FTO: variants seen among roughly 807,000 people sequenced by gnomAD.
The protein encoded by FTO is alpha-ketoglutarate-dependent dioxygenase FTO.
Under a neutral mutation model 63.9 loss-of-function variants are expected in FTO, and 47 were observed. That is an observed-to-expected ratio of 0.74 (90% confidence interval 0.58 to 0.94). The LOEUF is 0.94. Ranked by LOEUF, FTO falls within the 40% of genes least tolerant of loss-of-function variation. FTO has a pLI of 0.00. For synonymous variants in FTO, 207 were observed against 224.4 expected (o/e 0.92, Z 0.69); for missense variants, 562 against 618.1 (o/e 0.91, Z 0.96).
At chr16:53,907,867 T>C (rs1024714487) in intron 7 of FTO, among the ~76,000 whole-genome samples, 1 of 152,224 alleles carries the variant, frequency 6.6e-6, no homozygotes, top group African/African-American at 2.4e-5. Flanking sequence ...TTGATCTGTC[T>C]GACTAGATCA....
At chr16:53,897,191 ATT>A (rs1051072176) in intron 7 of FTO, among the ~76,000 whole-genome samples, 1 of 150,850 alleles carries the variant, frequency 6.6e-6, no homozygotes, top group Non-Finnish European at 1.5e-5. Context: ...TGTGATTGAC[ATT>A]TTTTTTTGCA....
intron 5 of FTO, among the ~76,000 whole-genome samples, chr16:53,876,656 G>A (rs1456510477): frequency 6.6e-6 from 1 of 152,252 alleles, no homozygotes; most frequent in Non-Finnish European, 1.5e-5. Flanking sequence ...GCTGGGTGCA[G>A]TGGCTCATGC....
chr16:54,015,231 C>T (rs889519258), intron 8 of FTO, among the ~76,000 whole-genome samples: 7 of 152,092 alleles, frequency 4.6e-5, no homozygotes, highest in African/African-American at 9.7e-5. Flanking sequence ...TGGACATTGT[C>T]AGCTATTTAT....
chr16:53,796,049 CTTT>C (rs745383491), intron 1 of FTO, among the ~76,000 whole-genome samples: 3 of 138,412 alleles, frequency 2.2e-5, no homozygotes, highest in Non-Finnish European at 3.1e-5. Context: ...TTCTTTCTTT[CTTT>C]TTTTTTTTTT....
chr16:53,929,736 C>T (rs1484582367), intron 7 of FTO, among the ~76,000 whole-genome samples: 1 of 152,176 alleles, frequency 6.6e-6, no homozygotes, highest in Non-Finnish European at 1.5e-5. Flanking sequence ...TTCGCAGTGC[C>T]TTGGGGCTTT....
Position 54,119,069 on chromosome 16 carries a change from T to A in FTO, c.*7154T>A, listed in dbSNP as rs187036484. 2 of 152,304 alleles carry A rather than the reference T, an allele frequency of 1.3e-5. No homozygotes were observed. The highest frequency in any genetic ancestry group is 1.3e-4 in the Admixed American group (2 of 15,294). The allele number at this position is 152,304 out of a possible 1,614,324, so 9.4% of individuals were successfully genotyped here. ...CAGGGCTTGGAGAAATAGAAACCTC[T>A]CTTGCACAAGAATAGTCTCAATGAA... On this transcript the variant is annotated 3_prime_UTR_variant, in exon 9 of 9. Coordinates refer to ENST00000471389, the MANE Select transcript of FTO (RefSeq NM_001080432.3).
intron 1 of FTO, among the ~76,000 whole-genome samples, chr16:53,785,475 G>C (rs998211616): frequency 6.6e-6 from 1 of 152,134 alleles, no homozygotes. Flanking sequence ...GGATGGCAGG[G>C]ATTGGGCCAT....
intron 1 of FTO, among the ~76,000 whole-genome samples, chr16:53,794,142 A>G (rs540971137): frequency 6.6e-6 from 1 of 152,252 alleles, no homozygotes; most frequent in Admixed American, 6.5e-5. Flanking sequence ...ATTTTTCTGG[A>G]GCGTAATTTC....
intron 1 of FTO, among the ~76,000 whole-genome samples, chr16:53,804,354 A>C (rs1438003301): frequency 2.0e-5 from 3 of 152,214 alleles, no homozygotes; most frequent in African/African-American, 7.2e-5. Flanking sequence ...TCTATGAAAC[A>C]GTGTCCTTAC....
At chr16:53,902,987 G>A (rs930873596) in intron 7 of FTO, among the ~76,000 whole-genome samples, 16 of 152,182 alleles carry the variant, frequency 1.1e-4, no homozygotes, top group South Asian at 1.0e-3. Context: ...GCACATGCCC[G>A]TAGTTCCAGC....
intron 2 of FTO, among the ~76,000 whole-genome samples, chr16:53,822,777 C>G (rs2078903055): frequency 6.6e-6 from 1 of 152,016 alleles, no homozygotes; most frequent in Admixed American, 6.6e-5. Context: ...GCAGTTCTAC[C>G]TCTCCCCTGT....
At chr16:54,058,343 G>A (rs954000806) in intron 8 of FTO, among the ~76,000 whole-genome samples, 5 of 152,028 alleles carry the variant, frequency 3.3e-5, no homozygotes, top group African/African-American at 7.2e-5. Flanking sequence ...GGCTAGTCTC[G>A]AACTCCTGAC....
intron 1 of FTO, among the ~76,000 whole-genome samples, chr16:53,796,255 G>A (rs1235740107): frequency 1.3e-5 from 2 of 152,006 alleles, no homozygotes; most frequent in East Asian, 3.9e-4. Context: ...TGTCGGCCAG[G>A]CTAATCTGGA....
chr16:53,855,680 G>C (rs1388243062), intron 4 of FTO, among the ~76,000 whole-genome samples: 1 of 152,116 alleles, frequency 6.6e-6, no homozygotes, highest in Non-Finnish European at 1.5e-5. Context: ...CTAATGCTTG[G>C]AGATTACCAG....
intron 1 of FTO, 120 bp downstream of exon 1, chr16:53,704,349 C>T: frequency 1.0e-6 from 1 of 975,596 alleles, no homozygotes; most frequent in Non-Finnish European, 1.6e-6. Context: ...ATGACAGGGC[C>T]TTGTCAGCAA....
At chr16:53,751,792 T>C (rs924386365) in intron 1 of FTO, among the ~76,000 whole-genome samples, 12 of 152,226 alleles carry the variant, frequency 7.9e-5, no homozygotes, top group African/African-American at 2.7e-4. Flanking sequence ...GTGAATTTTA[T>C]GTTACGTGAA....
chr16:53,909,366 G>T (rs1166297768), intron 7 of FTO, among the ~76,000 whole-genome samples: 3 of 152,200 alleles, frequency 2.0e-5, no homozygotes, highest in South Asian at 4.1e-4. Flanking sequence ...AAATGAGGGG[G>T]TAGAAAATAC....
rs139577103 is a variant in FTO at position 53,826,027 on chromosome 16, G to A, written c.287G>A (p.Arg96His). 1.0e-4 allele frequency: 165 copies of A among 1,613,960 alleles called. No homozygotes were observed. Among genetic ancestry groups the A allele is most frequent in the Non-Finnish European group, 1.4e-4 (160 of 1,180,020 alleles). The change falls in exon 3 of 9, where the codon CGC becomes CAC. Residue 96 changes from arginine to histidine, a missense_variant. By Grantham distance (29) the Arg-to-His change is conservative. Transcript: ENST00000471389. ...QGKDLLTPVS[R>H]ILIGNPGCTY... ...AAAGATCTGCTCACTCCGGTATCTC[G>A]CATCCTCATTGGTAATCCAGGCTGC...
At chr16:53,750,472 C>T (rs993958988) in intron 1 of FTO, among the ~76,000 whole-genome samples, 1 of 152,098 alleles carries the variant, frequency 6.6e-6, no homozygotes. Context: ...CTCCTGACCT[C>T]AGGTCATCTG....
Sources: gnomAD v4.1 joint callset for allele counts (sites outside exome capture counted in the v4.1 genomes callset) on GRCh38, gnomAD v4.1.1 for gene constraint, MANE v1.5 for transcripts, NCBI Gene and HGNC (gene_info 2026-07-23, HGNC 2026-07-21) for gene names.